SPPL3: variants seen among roughly 807,000 people sequenced by gnomAD.
SPPL3 encodes the protein signal peptide peptidase like 3.
A neutral mutation model predicts 42.4 loss-of-function variants in SPPL3; 5 were observed. The observed-to-expected ratio is 0.12, with a 90% confidence interval of 0.06 to 0.25. The LOEUF (loss-of-function observed/expected upper bound fraction) is 0.25, where lower values mean the gene tolerates loss of function less well. Among genes scored for constraint, SPPL3 ranks in the 10% least tolerant of loss-of-function variants. SPPL3 has a pLI of 1.00. For missense variants in SPPL3, 235 were observed against 489.0 expected (o/e 0.48, Z 4.90); for synonymous variants, 195 against 181.8 (o/e 1.07, Z -0.58).
chr12:120,802,735 T>G (rs901597524), intron 2 of SPPL3, among the ~76,000 whole-genome samples: 2 of 152,096 alleles, frequency 1.3e-5, no homozygotes, highest in African/African-American at 2.4e-5. Context: ...GTGCCTGGTC[T>G]GCTACCAATA....
intron 9 of SPPL3, 132 bp from the exon 10 acceptor site, chr12:120,766,504 C>CA: frequency 1.6e-6 from 1 of 621,538 alleles, no homozygotes; most frequent in Non-Finnish European, 2.6e-6. Context: ...GTGAAATGCC[C>CA]AGCTTGGGCA....
intron 1 of SPPL3, among the ~76,000 whole-genome samples, chr12:120,899,283 C>T (rs1873901165): frequency 6.6e-6 from 1 of 152,196 alleles, no homozygotes; most frequent in East Asian, 1.9e-4. Context: ...AGCACTGGTA[C>T]ATCAGGAAAC....
intron 6 of SPPL3, among the ~76,000 whole-genome samples, chr12:120,778,091 TC>T (rs1869393203): frequency 6.8e-6 from 1 of 146,916 alleles, no homozygotes; most frequent in African/African-American, 2.5e-5. Context: ...ACATTTTATT[TC>T]CAAAATGACT....
intron 1 of SPPL3, among the ~76,000 whole-genome samples, chr12:120,831,295 A>G (rs1328434178): frequency 6.6e-6 from 1 of 152,052 alleles, no homozygotes; most frequent in Non-Finnish European, 1.5e-5. Flanking sequence ...GCCAATTCCT[A>G]TATAAATCTC....
chr12:120,765,660 C>T (rs1868861019), intron 10 of SPPL3, among the ~76,000 whole-genome samples: 1 of 152,084 alleles, frequency 6.6e-6, no homozygotes. Context: ...TCAAAAATAA[C>T]CCACTATTTT....
intron 6 of SPPL3, among the ~76,000 whole-genome samples, chr12:120,776,425 G>A (rs967211172): frequency 2.0e-5 from 3 of 152,162 alleles, no homozygotes; most frequent in Admixed American, 2.0e-4. Context: ...ATGTCTTACA[G>A]AGAGGTGCTC....
At chr12:120,771,792 G>A (rs1385283521) in intron 6 of SPPL3, among the ~76,000 whole-genome samples, 1 of 152,100 alleles carries the variant, frequency 6.6e-6, no homozygotes, top group Admixed American at 6.6e-5. Context: ...GGCCAGGGAG[G>A]GCACTCTCCA....
intron 5 of SPPL3, among the ~76,000 whole-genome samples, chr12:120,783,275 T>C (rs1016856504): frequency 6.6e-6 from 1 of 152,118 alleles, no homozygotes. Flanking sequence ...GTGTGAACAC[T>C]AGGATTAAAC....
chr12:120,793,688 T>C (rs2136987883), intron 2 of SPPL3, among the ~76,000 whole-genome samples: 1 of 152,108 alleles, frequency 6.6e-6, no homozygotes, highest in East Asian at 1.9e-4. Flanking sequence ...AATTCCAATC[T>C]CCAGAACTCT....
chr12:120,858,749 A>C (rs1371589500), intron 1 of SPPL3, among the ~76,000 whole-genome samples: 1 of 152,202 alleles, frequency 6.6e-6, no homozygotes, highest in Non-Finnish European at 1.5e-5. Flanking sequence ...CCAAAGAAGA[A>C]AATCAAAGCA....
At chr12:120,875,058 T>C (rs909040620) in intron 1 of SPPL3, among the ~76,000 whole-genome samples, 20 of 152,260 alleles carry the variant, frequency 1.3e-4, no homozygotes, top group Admixed American at 9.2e-4. Flanking sequence ...CTGCTTAACA[T>C]GCAAGTGGGT....
chr12:120,840,046 C>A (rs928991352), intron 1 of SPPL3, among the ~76,000 whole-genome samples: 3 of 151,688 alleles, frequency 2.0e-5, no homozygotes, highest in Non-Finnish European at 4.4e-5. Flanking sequence ...TTTGGGAGGC[C>A]GAGGCGGGTG....
intron 6 of SPPL3, among the ~76,000 whole-genome samples, chr12:120,780,095 T>C (rs1255374887): frequency 6.6e-6 from 1 of 151,226 alleles, no homozygotes; most frequent in African/African-American, 2.4e-5. Context: ...TACATGCTTG[T>C]AATCCCAGTG....
intron 1 of SPPL3, among the ~76,000 whole-genome samples, chr12:120,813,510 G>A (rs557688060): frequency 1.3e-5 from 2 of 151,938 alleles, no homozygotes; most frequent in South Asian, 2.1e-4. Context: ...AGTAAGAGAC[G>A]GGGTTTCATC....
At chr12:120,778,798 A>G (rs1869424715) in intron 6 of SPPL3, among the ~76,000 whole-genome samples, 2 of 152,206 alleles carry the variant, frequency 1.3e-5, no homozygotes, top group African/African-American at 2.4e-5. Context: ...GAAGAAAAAA[A>G]ATTCCTAGAT....
chr12:120,901,203 G>A (rs73222699), intron 1 of SPPL3, among the ~76,000 whole-genome samples: 6,864 of 152,174 alleles, frequency 0.045, 191 homozygotes, highest in South Asian at 0.12. Context: ...ACCTACCTCA[G>A]AAACTTGTGA....
In SPPL3 at chr12:120,903,926, C is replaced by T; in HGVS notation, c.-59G>A. The T allele has an allele frequency of 7.6e-7, 1 of 1,309,222 alleles. No homozygotes were observed. Among genetic ancestry groups the T allele is most frequent in the Non-Finnish European group, 9.7e-7 (1 of 1,030,140 alleles). The allele number at this position is 1,309,222 out of a possible 1,614,324, so 81.1% of individuals were successfully genotyped here. ...TGGCCGGGCCCGGCGGCGGCGGGCT[C>T]GCTCGGGCCGTAGCTGAAGGCGCGG... On this transcript the variant is annotated 5_prime_UTR_variant, in exon 1 of 11. Transcript: ENST00000353487.
chr12:120,808,017 G>C (rs1252510280), intron 2 of SPPL3, among the ~76,000 whole-genome samples: 1 of 151,572 alleles, frequency 6.6e-6, no homozygotes, highest in Non-Finnish European at 1.5e-5. Context: ...TTGTTACCAA[G>C]TGGTTGCATA....
intron 3 of SPPL3, among the ~76,000 whole-genome samples, chr12:120,785,964 A>T (rs1045315578): frequency 6.6e-5 from 10 of 152,028 alleles, no homozygotes; most frequent in Non-Finnish European, 1.3e-4. Context: ...TAAGGCTACA[A>T]ATAAAATATG....
Sources: allele counts gnomAD v4.1 joint callset (sites outside exome capture counted in the v4.1 genomes callset), GRCh38; gene constraint gnomAD v4.1.1; transcripts MANE v1.5; gene names NCBI Gene and HGNC (gene_info 2026-07-23, HGNC 2026-07-21).